PDE4D: variants seen among roughly 807,000 people sequenced by gnomAD.
The protein encoded by PDE4D is phosphodiesterase 4D.
Under a neutral mutation model 87.4 loss-of-function variants are expected in PDE4D, and 24 were observed. The ratio of observed to expected loss-of-function variants is 0.27; its 90% CI spans 0.20 to 0.39. The LOEUF (loss-of-function observed/expected upper bound fraction) is 0.39. Among genes scored for constraint, PDE4D ranks in the 10% least tolerant of loss-of-function variants. PDE4D has a pLI of 1.00. For missense variants in PDE4D, 714 were observed against 1,041.0 expected, an observed-to-expected ratio of 0.69 and a Z score of 4.32; for synonymous variants, 384 against 383.2, an observed-to-expected ratio of 1.00 and a Z score of -0.02.
At chr5:59,875,489 A>G (rs1017647249) in intron 1 of PDE4D, among the ~76,000 whole-genome samples, 47 of 143,098 alleles carry the variant, frequency 3.3e-4, no homozygotes, top group African/African-American at 1.2e-3. Context: ...AAAAAAAAAA[A>G]AGAAGGAATC....
At chr5:60,223,240 C>T (rs565428962) in intron 1 of PDE4D, among the ~76,000 whole-genome samples, 105 of 152,132 alleles carry the variant, frequency 6.9e-4, no homozygotes, top group African/African-American at 2.2e-3. Context: ...CCTTGAAAGA[C>T]GCCATATTAC....
At chr5:59,104,210 G>A (rs1189260328) in intron 5 of PDE4D, among the ~76,000 whole-genome samples, 1 of 152,162 alleles carries the variant, frequency 6.6e-6, no homozygotes, top group Non-Finnish European at 1.5e-5. Context: ...TTTATTGACT[G>A]TAAACTATGA....
intron 5 of PDE4D, among the ~76,000 whole-genome samples, chr5:59,133,837 G>A (rs756737438): frequency 1.3e-5 from 2 of 152,176 alleles, no homozygotes; most frequent in Admixed American, 6.5e-5. Flanking sequence ...GGGACTCTGG[G>A]AGGGCCAAGG....
At chr5:59,625,420 C>G (rs1830788517) in intron 1 of PDE4D, among the ~76,000 whole-genome samples, 1 of 151,940 alleles carries the variant, frequency 6.6e-6, no homozygotes, top group South Asian at 2.1e-4. Flanking sequence ...TGGTTAGCAC[C>G]TTAATTTCAG....
intron 2 of PDE4D, among the ~76,000 whole-genome samples, chr5:60,183,082 A>G (rs906285198): frequency 7.9e-5 from 12 of 152,086 alleles, no homozygotes; most frequent in Admixed American, 7.9e-4. Flanking sequence ...AGCAGCAGAG[A>G]TCTTGCTTTC....
intron 1 of PDE4D, among the ~76,000 whole-genome samples, chr5:59,673,825 CA>C (rs1248373252): frequency 6.6e-6 from 1 of 152,128 alleles, no homozygotes; most frequent in African/African-American, 2.4e-5. Context: ...TGGGTTATAA[CA>C]ATAATAATAT....
intron 1 of PDE4D, among the ~76,000 whole-genome samples, chr5:59,382,689 A>G (rs951065493): frequency 1.3e-5 from 2 of 152,166 alleles, no homozygotes; most frequent in Non-Finnish European, 2.9e-5. Flanking sequence ...CCCTGGACCC[A>G]GGAAATCTGC....
chr5:59,215,660 C>A, intron 2 of PDE4D, 117 bp downstream of exon 2: 2 of 824,790 alleles, frequency 2.4e-6, no homozygotes, highest in Middle Eastern at 3.2e-4. Flanking sequence ...TATTCATATT[C>A]TTTCTACATT....
chr5:60,394,829 G>A (rs1246410914), intron 1 of PDE4D, among the ~76,000 whole-genome samples: 2 of 152,104 alleles, frequency 1.3e-5, no homozygotes, highest in Non-Finnish European at 2.9e-5. Flanking sequence ...CATTACTTTG[G>A]CAGAGCTCAT....
In PDE4D at chr5:60,460,607, T is replaced by C. The variant is rs552339483; in HGVS notation, c.-90+27335A>G. On this transcript the variant is annotated intron_variant, in intron 1 of 16. Transcript: ENST00000502484. Reference sequence around the variant, plus strand: ...TTTTGTACTTCATCAATGCATTCAATTGCTTCTTGCTGTTCTTTTTCTCCC... The same window carrying C: ...TTTTGTACTTCATCAATGCATTCAACTGCTTCTTGCTGTTCTTTTTCTCCC... 13 of 1,250,128 alleles carry C rather than the reference T, an allele frequency of 1.0e-5. No individual in the cohort carries two copies. The Admixed American group carries it at 1.2e-4, about 12-fold the overall frequency. The allele number at this position is 1,250,128 out of a possible 1,614,324, so 77.4% of individuals were successfully genotyped here. A position where few individuals can be genotyped will look rare whatever the true frequency, so the allele number is the denominator to read the frequency against.
intron 1 of PDE4D, chr5:59,356,928 G>A (rs889550825): frequency 9.9e-6 from 14 of 1,415,932 alleles, no homozygotes; most frequent in African/African-American, 5.9e-5. Flanking sequence ...GGCCCCGCAC[G>A]GAGCAGGAGG....
rs1742678452 is a variant in PDE4D, at chr5:58,971,975, T to A, written c.*2689A>T. Reference sequence around the variant, plus strand: ...TTGATTGTCCATTAGTGGGTATCTTTACAACACGGTACCATTAAAAACCAA... The same window carrying A: ...TTGATTGTCCATTAGTGGGTATCTTAACAACACGGTACCATTAAAAACCAA... On this transcript the variant is annotated 3_prime_UTR_variant, in exon 15 of 15. Transcript: ENST00000340635. The A allele has an allele frequency of 6.6e-6, 1 of 152,308 alleles. No individual in the cohort carries two copies. The highest frequency in any genetic ancestry group is 2.4e-5 in the African/African-American group (1 of 41,372). The allele number at this position is 152,308 out of a possible 1,614,324, so 9.4% of individuals were successfully genotyped here.
At chr5:60,207,488 A>G (rs1002103025) in intron 1 of PDE4D, among the ~76,000 whole-genome samples, 1 of 152,246 alleles carries the variant, frequency 6.6e-6, no homozygotes, top group Non-Finnish European at 1.5e-5. Context: ...GTTTTCTAAC[A>G]GAAGTCCTTA....
At chr5:60,051,332 A>G (rs1375391233) in intron 2 of PDE4D, among the ~76,000 whole-genome samples, 1 of 152,220 alleles carries the variant, frequency 6.6e-6, no homozygotes, top group East Asian at 1.9e-4. Context: ...AGAAATCATA[A>G]CAAACAGTCT....
chr5:59,915,276 T>C (rs1753916657), intron 3 of PDE4D, among the ~76,000 whole-genome samples: 1 of 152,170 alleles, frequency 6.6e-6, no homozygotes. Context: ...GTCTGAGGAT[T>C]GAATTGGACA....
chr5:59,714,369 G>T (rs1385695071), intron 1 of PDE4D, among the ~76,000 whole-genome samples: 1 of 152,238 alleles, frequency 6.6e-6, no homozygotes, highest in Non-Finnish European at 1.5e-5. Flanking sequence ...GCAGCCAGGT[G>T]GAAATGTTGA....
At chr5:59,559,172 A>G (rs1207155954) in intron 1 of PDE4D, among the ~76,000 whole-genome samples, 2 of 152,214 alleles carry the variant, frequency 1.3e-5, no homozygotes, top group African/African-American at 4.8e-5. Context: ...AATTCCTAAC[A>G]TGGTACCTGT....
intron 2 of PDE4D, among the ~76,000 whole-genome samples, chr5:60,086,749 C>T (rs1376217350): frequency 3.9e-5 from 6 of 152,222 alleles, no homozygotes; most frequent in Non-Finnish European, 7.3e-5. Context: ...TCATGGGAAG[C>T]CCACTCCAGT....
At chr5:59,672,565 C>T (rs983656418) in intron 1 of PDE4D, among the ~76,000 whole-genome samples, 1 of 152,096 alleles carries the variant, frequency 6.6e-6, no homozygotes, top group African/African-American at 2.4e-5. Context: ...AATTCATCAC[C>T]TAAGAAACAT....
Sources: gnomAD v4.1 joint callset for allele counts (sites outside exome capture counted in the v4.1 genomes callset) on GRCh38, gnomAD v4.1.1 for gene constraint, MANE v1.5 for transcripts, NCBI Gene and HGNC (gene_info 2026-07-23, HGNC 2026-07-21) for gene names.